Variants in MTOR observed in about 807,000 individuals in gnomAD.
MTOR encodes serine/threonine-protein kinase mTOR.
In MTOR, 70 loss-of-function variants were observed where a neutral mutation model predicts 319.8. The observed-to-expected ratio is 0.22, with a 90% CI of 0.18 to 0.27. The LOEUF (loss-of-function observed/expected upper bound fraction) is 0.27, where lower values mean the gene tolerates loss of function less well. Among genes scored for constraint, MTOR ranks in the 10% least tolerant of loss-of-function variants. The probability of loss-of-function intolerance (pLI) is 1.00; values close to 1 mark genes in which losing one functional copy is unlikely to be tolerated. For synonymous variants in MTOR, 1,183 were observed against 1,211.4 expected (o/e 0.98, Z 0.49); for missense variants, 1,890 against 3,274.4 (o/e 0.58, Z 10.32).
At chr1:11,200,077 C>T (rs1485321456) in intron 26 of MTOR, among the ~76,000 whole-genome samples, 1 of 152,146 alleles carries the variant, frequency 6.6e-6, no homozygotes, top group African/African-American at 2.4e-5. Context: ...AGGAATATTT[C>T]TTGGCAGTTT....
At chr1:11,161,259 G>T (rs1174480557) in intron 29 of MTOR, among the ~76,000 whole-genome samples, 1 of 152,228 alleles carries the variant, frequency 6.6e-6, no homozygotes, top group Non-Finnish European at 1.5e-5. Flanking sequence ...CATTGCTGAG[G>T]CTTGAGTAGG....
intron 24 of MTOR, among the ~76,000 whole-genome samples, chr1:11,209,750 T>C (rs1646252212): frequency 6.6e-6 from 1 of 152,210 alleles, no homozygotes; most frequent in Non-Finnish European, 1.5e-5. Context: ...GATAAAGTGT[T>C]TGGAGCAAAG....
intron 28 of MTOR, among the ~76,000 whole-genome samples, chr1:11,167,840 C>T (rs756147856): frequency 6.6e-5 from 10 of 152,022 alleles, no homozygotes; most frequent in African/African-American, 9.7e-5. Context: ...GAGGCTGAGG[C>T]GGTTGGATCA....
At chr1:11,243,687 CAA>C (rs796569153) in intron 8 of MTOR, among the ~76,000 whole-genome samples, 11 of 85,620 alleles carry the variant, frequency 1.3e-4, no homozygotes, top group Non-Finnish European at 2.2e-4. Context: ...GAGCCTGTCT[CAA>C]AAAAAAAAAA....
chr1:11,210,763 CA>C, intron 24 of MTOR, 50 bp downstream of exon 24: 1 of 1,338,740 alleles, frequency 7.5e-7, no homozygotes, highest in Non-Finnish European at 1.1e-6. Flanking sequence ...ACAAGAATAT[CA>C]AGTAGTAAAG....
intron 6 of MTOR, 102 bp downstream of exon 6, chr1:11,253,737 C>T: frequency 7.6e-7 from 1 of 1,320,900 alleles, no homozygotes; most frequent in Non-Finnish European, 1.1e-6. Flanking sequence ...ATTATGTTTC[C>T]TGCCACAAAA....
chr1:11,248,452 G>A (rs56797473), intron 6 of MTOR, among the ~76,000 whole-genome samples: 9,059 of 152,232 alleles, frequency 0.06, 383 homozygotes, highest in South Asian at 0.12. Context: ...AAGGTGATGG[G>A]AGCTCCCCTG....
At position 11,150,125 on chromosome 1, in the gene MTOR, C is replaced by T. The variant is rs766922833; in HGVS notation, c.4570+1G>A. ...CAGGGTGCCTGTGAGGGAAGCTTTA[C>T]CTAAACCCCATGCAGCTGCAGCAGC... On this transcript the variant is annotated splice_donor_variant, in intron 31 of 57. Coordinates refer to ENST00000361445, the MANE Select transcript of MTOR (RefSeq NM_004958.4). LOFTEE classifies it high-confidence loss of function. 1 of 1,613,668 alleles carries T rather than the reference C, an allele frequency of 6.2e-7. No individual in the cohort carries two copies. Among genetic ancestry groups the T allele is most frequent in the Non-Finnish European group, 8.5e-7 (1 of 1,179,846 alleles).
intron 1 of MTOR, among the ~76,000 whole-genome samples, chr1:11,261,916 G>T (rs938704128): frequency 6.6e-6 from 1 of 152,012 alleles, no homozygotes; most frequent in African/African-American, 2.4e-5. Context: ...TAGGATATCT[G>T]AAGTCAAATA....
At chr1:11,111,328 A>G (rs575828653) in intron 54 of MTOR, among the ~76,000 whole-genome samples, 9 of 152,076 alleles carry the variant, frequency 5.9e-5, no homozygotes, top group Admixed American at 3.3e-4. Flanking sequence ...AAAATTCAAA[A>G]AAATTAGCTG....
intron 30 of MTOR, among the ~76,000 whole-genome samples, chr1:11,155,388 T>C (rs1644286244): frequency 6.6e-6 from 1 of 152,096 alleles, no homozygotes. Context: ...CACCTTGGCA[T>C]ACTGAATATT....
chr1:11,204,811 T>C, intron 25 of MTOR, 108 bp from the exon 26 acceptor site: 1 of 1,300,466 alleles, frequency 7.7e-7, no homozygotes, highest in Non-Finnish European at 1.0e-6. Flanking sequence ...AAAATCCATC[T>C]TTCACGATAA....
chr1:11,212,451 C>T lies in MTOR; in HGVS notation c.3422G>A (p.Arg1141His), dbSNP rs1481267106. Reference protein sequence around the residue: ...SRKAALETVDRLTESLDFTDY... With the variant: ...SRKAALETVDHLTESLDFTDY... ...AGTGAAATCCAGGGACTCCGTCAGG[C>T]GGTCCACAGTCTCTAGCGCTGCCCT... Residue 1141 changes from arginine (R) to histidine (H), a missense_variant, in exon 23 of 58, where the codon CGC becomes CAC. By Grantham distance (29) the Arg-to-His change is conservative. Around this residue, in one of 15 missense-constraint regions of MTOR, gnomAD observed 377 missense variants for 653.9 expected, o/e 0.58. Coordinates refer to ENST00000361445, the MANE Select transcript of MTOR (RefSeq NM_004958.4). This position sits in a 1 kb window ranked among gnomAD's most constrained non-coding sequence, Gnocchi z 4.1. 5.6e-6 allele frequency: 9 copies of T among 1,613,860 alleles called. No individual in the cohort carries two copies. The highest frequency in any genetic ancestry group is 1.3e-5 in the African/African-American group (1 of 74,894).
chr1:11,160,545 T>C (rs1644447526), intron 29 of MTOR, among the ~76,000 whole-genome samples: 1 of 152,240 alleles, frequency 6.6e-6, no homozygotes, highest in Non-Finnish European at 1.5e-5. Context: ...CAGACTGCCC[T>C]GGTTCAAGTC....
rs538467144 is a variant in MTOR, at chr1:11,250,458, C to T, written c.841-2364G>A. ...CAGCATTTCATCCAACTGATACTTC[C>T]ACCTCCTTGACGCCCTTTCTTCACC... On this transcript the variant is annotated intron_variant, in intron 6 of 57. Coordinates refer to ENST00000361445, the MANE Select transcript of MTOR (RefSeq NM_004958.4). 5.9e-5 allele frequency among the ~76,000 whole-genome samples: 9 copies of T among 152,314 alleles called. No individual in the cohort carries two copies. In the East Asian group the frequency reaches 1.7e-3, roughly 29 times the overall value.
intron 30 of MTOR, among the ~76,000 whole-genome samples, chr1:11,151,848 T>C (rs1349278980): frequency 6.6e-6 from 1 of 152,044 alleles, no homozygotes; most frequent in East Asian, 1.9e-4. Flanking sequence ...CTGTCCCTCC[T>C]AACTCAGCCT....
At chr1:11,225,565 G>A (rs914372141) in intron 19 of MTOR, among the ~76,000 whole-genome samples, 7 of 151,976 alleles carry the variant, frequency 4.6e-5, no homozygotes, top group South Asian at 4.1e-4. Context: ...GGGATTACAA[G>A]CATGTGCCAC....
intron 30 of MTOR, among the ~76,000 whole-genome samples, chr1:11,156,256 T>G (rs1358660092): frequency 2.0e-5 from 3 of 152,202 alleles, no homozygotes; most frequent in Admixed American, 1.3e-4. Flanking sequence ...TCCCAAAGGG[T>G]TGGGATTACA....
At chr1:11,137,344 C>G (rs936457046) in intron 36 of MTOR, among the ~76,000 whole-genome samples, 6 of 151,974 alleles carry the variant, frequency 3.9e-5, no homozygotes, top group African/African-American at 1.5e-4. Flanking sequence ...GGTTTAAACT[C>G]TTTGGTGGAC....
Sources: allele counts gnomAD v4.1 joint callset (sites outside exome capture counted in the v4.1 genomes callset), GRCh38; gene constraint gnomAD v4.1.1; regional missense constraint gnomAD v4.1.1; non-coding constraint Gnocchi (gnomAD v3.1); transcripts MANE v1.5; gene names NCBI Gene and HGNC (gene_info 2026-07-23, HGNC 2026-07-21).